The following ADGRL2 variants were observed in gnomAD, a reference collection of about 807,000 sequenced individuals.
ADGRL2 encodes the protein calcium-independent alpha-latrotoxin receptor 2.
Under a neutral mutation model 157.4 loss-of-function variants are expected in ADGRL2, and 44 were observed. The ratio of observed to expected loss-of-function variants is 0.28; its 90% CI spans 0.22 to 0.36. The LOEUF is 0.36. Ranked by LOEUF, ADGRL2 falls within the 10% of genes least tolerant of loss-of-function variation. ADGRL2 has a pLI of 1.00. For synonymous variants in ADGRL2, 585 were observed against 624.7 expected (o/e 0.94, Z 0.95); for missense variants, 1,510 against 1,768.9 (o/e 0.85, Z 2.63).
At chr1:81,745,210 A>C (rs1416229389) in intron 1 of ADGRL2, among the ~76,000 whole-genome samples, 1 of 152,216 alleles carries the variant, frequency 6.6e-6, no homozygotes, top group East Asian at 1.9e-4. Context: ...AATAATAACA[A>C]AAATAGTTTA....
At chr1:81,340,565 T>C (rs912551005) in intron 1 of ADGRL2, among the ~76,000 whole-genome samples, 56 of 152,258 alleles carry the variant, frequency 3.7e-4, no homozygotes, top group African/African-American at 1.3e-3. Flanking sequence ...ACATTATCTA[T>C]GGCCAAAACC....
At chr1:81,884,579 C>G (rs1250082164) in intron 2 of ADGRL2, among the ~76,000 whole-genome samples, 1 of 152,106 alleles carries the variant, frequency 6.6e-6, no homozygotes, top group African/African-American at 2.4e-5. Flanking sequence ...AAGCAAAACA[C>G]TATGTATCTG....
At chr1:81,948,672 A>C (rs1410054123) in intron 6 of ADGRL2, among the ~76,000 whole-genome samples, 1 of 152,226 alleles carries the variant, frequency 6.6e-6, no homozygotes, top group African/African-American at 2.4e-5. Context: ...ACAAGATGTC[A>C]AGCAAGTGCT....
chr1:81,943,006 C>A lies in ADGRL2; in HGVS notation c.447C>A (p.Asp149Glu). Reference sequence around the variant, plus strand: ...CTGGGACCTTGAAAGCAATTGTGGACTCACCATGTATATATGAAGCTGAAC... The same window carrying A: ...CTGGGACCTTGAAAGCAATTGTGGAATCACCATGTATATATGAAGCTGAAC... ...VCPGTLKAIV[D>E]SPCIYEAEQK... Residue 149 changes from aspartate (D) to glutamate (E), a missense_variant, in exon 6 of 24, where the codon GAC becomes GAA. Physicochemically the swap from Asp to Glu is conservative, Grantham distance 45. Coordinates refer to ENST00000686636, the MANE Select transcript of ADGRL2 (RefSeq NM_001366006.2). The surrounding 1 kb of genome is among the most constrained non-coding windows in gnomAD (Gnocchi z 5.6). 6.2e-7 allele frequency: 1 copy of A among 1,612,908 alleles called. No homozygotes were observed.
intron 11 of ADGRL2, among the ~76,000 whole-genome samples, chr1:81,963,900 A>G (rs1656257198): frequency 6.6e-6 from 1 of 150,982 alleles, no homozygotes; most frequent in Non-Finnish European, 1.5e-5. Context: ...TTCAGTATGT[A>G]TTTATCAGTT....
intron 2 of ADGRL2, among the ~76,000 whole-genome samples, chr1:81,473,640 C>T (rs932411352): frequency 7.9e-5 from 12 of 152,144 alleles, no homozygotes; most frequent in African/African-American, 2.9e-4. Flanking sequence ...CAAAATGGTG[C>T]TTTAACCCTT....
At chr1:81,463,114 C>CA (rs56920139) in intron 2 of ADGRL2, among the ~76,000 whole-genome samples, 2,700 of 93,628 alleles carry the variant, frequency 0.029, 51 homozygotes, top group Admixed American at 0.06. Context: ...GACCATGTCT[C>CA]AAAAAAAAAA....
intron 3 of ADGRL2, among the ~76,000 whole-genome samples, chr1:81,692,178 G>A (rs566451044): frequency 4.7e-4 from 72 of 151,790 alleles, no homozygotes; most frequent in Admixed American, 7.2e-4. Context: ...AGGCCAAGGC[G>A]GGCAGATCAC....
chr1:81,399,476 T>G (rs12134059), intron 1 of ADGRL2, among the ~76,000 whole-genome samples: 4,126 of 152,278 alleles, frequency 0.027, 84 homozygotes, highest in Middle Eastern at 0.092. Context: ...ACTACTATTC[T>G]TTCTTATTTC....
intron 1 of ADGRL2, among the ~76,000 whole-genome samples, chr1:81,822,118 T>C (rs1406450884): frequency 6.9e-6 from 1 of 145,800 alleles, no homozygotes; most frequent in African/African-American, 2.5e-5. Flanking sequence ...TAGCCCACAA[T>C]TGGCTGTTGA....
chr1:81,546,133 A>C (rs114349718), intron 2 of ADGRL2, among the ~76,000 whole-genome samples: 1,949 of 152,302 alleles, frequency 0.013, 25 homozygotes, highest in Middle Eastern at 0.02. Flanking sequence ...TGCCCCTAGA[A>C]TTGTGGGGAA....
intron 14 of ADGRL2, 107 bp downstream of exon 14, chr1:81,968,306 C>T (rs890917095): frequency 3.2e-6 from 3 of 923,080 alleles, no homozygotes; most frequent in African/African-American, 3.4e-5. Flanking sequence ...AAAAAGCAAA[C>T]AAAGTAATGT....
intron 1 of ADGRL2, among the ~76,000 whole-genome samples, chr1:81,806,428 TA>T (rs1354146343): frequency 6.6e-6 from 1 of 152,016 alleles, no homozygotes; most frequent in East Asian, 1.9e-4. Flanking sequence ...AAGAGAGCTT[TA>T]AAACTAAGGT....
At chr1:81,870,385 G>T (rs1332566833) in intron 2 of ADGRL2, among the ~76,000 whole-genome samples, 1 of 151,870 alleles carries the variant, frequency 6.6e-6, no homozygotes, top group Non-Finnish European at 1.5e-5. Flanking sequence ...TTCTTTCTTG[G>T]AGCATTTTGA....
At chr1:81,464,624 T>C in intron 2 of ADGRL2, among the ~76,000 whole-genome samples, 1 of 152,176 alleles carries the variant, frequency 6.6e-6, no homozygotes, top group Non-Finnish European at 1.5e-5. Context: ...GTAGACATGC[T>C]GTGTGCAGTG....
intron 3 of ADGRL2, among the ~76,000 whole-genome samples, chr1:81,610,439 T>A (rs892175227): frequency 6.6e-6 from 1 of 152,076 alleles, no homozygotes; most frequent in African/African-American, 2.4e-5. Flanking sequence ...AAGTCCAGTG[T>A]GACTAGTGCA....
chr1:81,572,882 A>G (rs1405326969), intron 2 of ADGRL2, among the ~76,000 whole-genome samples: 1 of 151,276 alleles, frequency 6.6e-6, no homozygotes, highest in Non-Finnish European at 1.5e-5. Context: ...TGATAAGGGT[A>G]TGCTTTTTAA....
rs1490698476 is a variant in ADGRL2 at position 81,989,681 on chromosome 1, G to A, written c.3656-710G>A. 4 of 1,611,178 alleles carry A rather than the reference G, an allele frequency of 2.5e-6. No individual in the cohort carries two copies. In the South Asian group the frequency reaches 3.3e-5, roughly 13 times the overall value. The stretch of plus-strand genomic sequence containing the variant: ...GCTACTCTTAGGCCAGATAGCCTGA[G>A]CAGACAGACATGATGTGAGTTGTCC... On this transcript the variant is annotated intron_variant, in intron 23 of 23. Coordinates refer to ENST00000686636, the MANE Select transcript of ADGRL2 (RefSeq NM_001366006.2).
chr1:81,321,363 C>T (rs191482163), intron 1 of ADGRL2, among the ~76,000 whole-genome samples: 10 of 152,274 alleles, frequency 6.6e-5, no homozygotes, highest in African/African-American at 2.2e-4. Context: ...AAAACATTTC[C>T]TTTGCATTCC....
Sources: allele counts gnomAD v4.1 joint callset (sites outside exome capture counted in the v4.1 genomes callset), GRCh38; gene constraint gnomAD v4.1.1; non-coding constraint Gnocchi (gnomAD v3.1); transcripts MANE v1.5; gene names NCBI Gene and HGNC (gene_info 2026-07-23, HGNC 2026-07-21).